Variants in KCNAB1 observed in about 807,000 individuals in gnomAD.
KCNAB1 encodes potassium voltage-gated channel subfamily A regulatory beta subunit 1.
A neutral mutation model predicts 64.6 loss-of-function variants in KCNAB1; 35 were observed. That is an observed-to-expected ratio of 0.54 (90% CI 0.41 to 0.72). The LOEUF is 0.72. Ranked by LOEUF, KCNAB1 falls within the 30% of genes least tolerant of loss-of-function variation. The probability of loss-of-function intolerance (pLI) is 0.00; values close to 1 mark genes in which losing one functional copy is unlikely to be tolerated. For missense variants in KCNAB1, 401 were observed against 512.9 expected, an observed-to-expected ratio of 0.78 and a Z score of 2.11; for synonymous variants, 177 against 183.8, an observed-to-expected ratio of 0.96 and a Z score of 0.30.
chr3:156,247,368 A>T (rs1028683527), intron 1 of KCNAB1, among the ~76,000 whole-genome samples: 9 of 152,198 alleles, frequency 5.9e-5, no homozygotes, highest in Non-Finnish European at 1.5e-5. Flanking sequence ...TTCAAAGCTG[A>T]TCACAATGGC....
intron 1 of KCNAB1, among the ~76,000 whole-genome samples, chr3:156,366,188 T>C (rs1049396769): frequency 2.0e-5 from 3 of 152,244 alleles, no homozygotes; most frequent in African/African-American, 7.2e-5. Context: ...TGGTTTGCAG[T>C]TTCTTTTTTG....
At chr3:156,134,433 A>G (rs1184463145) in intron 1 of KCNAB1, among the ~76,000 whole-genome samples, 1 of 152,196 alleles carries the variant, frequency 6.6e-6, no homozygotes, top group Non-Finnish European at 1.5e-5. Context: ...TCGTGTTCAA[A>G]TTATGACCAA....
chr3:156,472,302 T>C (rs780854990), intron 7 of KCNAB1, among the ~76,000 whole-genome samples: 2 of 152,094 alleles, frequency 1.3e-5, no homozygotes, highest in African/African-American at 4.8e-5. Flanking sequence ...CTGAGCTGGA[T>C]GAGCTGCGGT....
intron 8 of KCNAB1, among the ~76,000 whole-genome samples, chr3:156,491,100 A>T (rs976752450): frequency 6.6e-6 from 1 of 152,164 alleles, no homozygotes; most frequent in African/African-American, 2.4e-5. Context: ...AAGTAATGTC[A>T]TTTTGACTTT....
upstream of KCNAB1, chr3:156,118,393 A>G (rs764836540): frequency 4.7e-5 from 21 of 442,818 alleles, no homozygotes; most frequent in Non-Finnish European, 8.1e-5. Context: ...TGAAAGCTGC[A>G]TGGTCTTTCT....
intron 1 of KCNAB1, among the ~76,000 whole-genome samples, chr3:156,281,698 G>A (rs1284701905): frequency 1.3e-5 from 2 of 151,304 alleles, no homozygotes; most frequent in African/African-American, 4.8e-5. Flanking sequence ...TCTTGGGAGA[G>A]TGTATGTGTC....
rs1481267353 is a variant in KCNAB1 at position 156,225,439 on chromosome 3, C to T, written c.275+104553C>T. Among the ~76,000 whole-genome samples the T allele has an allele frequency of 5.3e-5, 8 of 152,164 alleles. No homozygotes were observed. In the East Asian group the frequency reaches 1.5e-3, roughly 29 times the overall value. On this transcript the variant is annotated intron_variant, in intron 1 of 13. Transcript: ENST00000490337. The stretch of plus-strand genomic sequence containing the variant: ...CAAACGTTAAGGTAATAAAAGCCAT[C>T]TATGACAAACCCACAGCCAATATTA...
At chr3:156,271,755 G>A (rs1233152710) in intron 1 of KCNAB1, among the ~76,000 whole-genome samples, 1 of 152,142 alleles carries the variant, frequency 6.6e-6, no homozygotes, top group East Asian at 1.9e-4. Context: ...GCTTGTAAAT[G>A]TTCACCAGTG....
chr3:156,332,788 AAAC>A (rs1253585213), intron 1 of KCNAB1, among the ~76,000 whole-genome samples: 2 of 152,196 alleles, frequency 1.3e-5, no homozygotes, highest in Non-Finnish European at 2.9e-5. Context: ...ATTGTTGTGA[AAAC>A]TTCCTTACCC....
chr3:156,253,785 C>T (rs1219742151), intron 1 of KCNAB1, among the ~76,000 whole-genome samples: 1 of 152,180 alleles, frequency 6.6e-6, no homozygotes, highest in East Asian at 1.9e-4. Flanking sequence ...TCCCAGACTG[C>T]TGAATCAGAA....
intron 2 of KCNAB1, among the ~76,000 whole-genome samples, chr3:156,445,035 C>T (rs924922456): frequency 1.4e-4 from 22 of 152,208 alleles, no homozygotes; most frequent in Non-Finnish European, 2.4e-4. Flanking sequence ...CTGTGGCTCA[C>T]GCCTGTAATA....
chr3:156,147,147 C>G (rs1365961645), intron 1 of KCNAB1, among the ~76,000 whole-genome samples: 2 of 152,122 alleles, frequency 1.3e-5, no homozygotes, highest in Non-Finnish European at 2.9e-5. Flanking sequence ...AGAGTTAGAC[C>G]TGGATTTGGC....
intron 8 of KCNAB1, among the ~76,000 whole-genome samples, chr3:156,498,550 C>T (rs1272370082): frequency 1.3e-5 from 2 of 152,190 alleles, no homozygotes; most frequent in Admixed American, 6.5e-5. Flanking sequence ...CCTCCCCAGC[C>T]ATATGGAACT....
chr3:156,299,902 C>G lies in KCNAB1; in HGVS notation c.276-121714C>G, dbSNP rs147526326. Among the ~76,000 whole-genome samples, 363 of 152,260 alleles carry G rather than the reference C, an allele frequency of 2.4e-3. 4 individuals carry two copies. The highest frequency in any genetic ancestry group is 8.2e-3 in the African/African-American group (340 of 41,558). On this transcript the variant is annotated intron_variant, in intron 1 of 13. Transcript: ENST00000490337. The stretch of plus-strand genomic sequence containing the variant: ...GCAGTCATGAAAAAATTTGGCTCTT[C>G]TTTTTGAGAATCAGAATCATTCATT...
chr3:156,510,264 C>G (rs138459340), intron 8 of KCNAB1, among the ~76,000 whole-genome samples: 2 of 152,324 alleles, frequency 1.3e-5, no homozygotes, highest in East Asian at 3.9e-4. Flanking sequence ...CATCTCATGC[C>G]TCCTTTTACA....
At chr3:156,178,958 G>A (rs969834739) in intron 1 of KCNAB1, among the ~76,000 whole-genome samples, 6 of 137,130 alleles carry the variant, frequency 4.4e-5, no homozygotes, top group Admixed American at 7.6e-5. Flanking sequence ...CCGAGATCGC[G>A]CCACTGCACT....
intron 1 of KCNAB1, among the ~76,000 whole-genome samples, chr3:156,314,389 A>G (rs6770663): frequency 0.25 from 38,043 of 152,072 alleles, 8,598 homozygotes; most frequent in African/African-American, 0.61. Context: ...ACTTCCCTAT[A>G]AGGTTAGTGC....
At chr3:156,179,353 G>T (rs1712625359) in intron 1 of KCNAB1, among the ~76,000 whole-genome samples, 1 of 151,604 alleles carries the variant, frequency 6.6e-6, no homozygotes, top group Non-Finnish European at 1.5e-5. Flanking sequence ...CAGAAGGGGG[G>T]ATATAAAATT....
chr3:156,134,399 A>T (rs1313258017), intron 1 of KCNAB1, among the ~76,000 whole-genome samples: 1 of 152,020 alleles, frequency 6.6e-6, no homozygotes, highest in Non-Finnish European at 1.5e-5. Flanking sequence ...TACTTTAGGG[A>T]GGGATGGGAA....
Sources: gnomAD v4.1 joint callset for allele counts (sites outside exome capture counted in the v4.1 genomes callset) on GRCh38, gnomAD v4.1.1 for gene constraint, MANE v1.5 for transcripts, NCBI Gene and HGNC (gene_info 2026-07-23, HGNC 2026-07-21) for gene names.